CSMD1: variants seen among roughly 807,000 people sequenced by gnomAD.
CSMD1 encodes CUB and Sushi multiple domains 1.
A neutral mutation model predicts 417.5 loss-of-function variants in CSMD1; 213 were observed. That is an observed-to-expected ratio of 0.51 (90% CI 0.46 to 0.57). The LOEUF is 0.57. CSMD1 is among the 20% of genes least tolerant of loss of function. CSMD1 has a pLI of 0.00. For missense variants in CSMD1, 6,923 were observed against 4,529.7 expected (o/e 1.53, Z -15.17); for synonymous variants, 2,862 against 1,736.8 (o/e 1.65, Z -16.11).
chr8:3,273,632 G>A (rs1284178378), intron 26 of CSMD1, among the ~76,000 whole-genome samples: 1 of 152,194 alleles, frequency 6.6e-6, no homozygotes, highest in East Asian at 1.9e-4. Context: ...TCTATTCAGA[G>A]ATTCAACTTC....
chr8:3,802,969 T>C (rs893704483), intron 5 of CSMD1, among the ~76,000 whole-genome samples: 2 of 152,166 alleles, frequency 1.3e-5, no homozygotes, highest in Non-Finnish European at 2.9e-5. Flanking sequence ...AAAATGTTCA[T>C]GATCATGTTG....
chr8:3,543,606 T>C lies in CSMD1; in HGVS notation c.1344+31339A>G, dbSNP rs1798534647. Reference sequence around the variant, plus strand: ...GTATGAGAACAAAAGAAGGATTAAATATAAGTATAATAATTTTCAGCCTAA... The same window carrying C: ...GTATGAGAACAAAAGAAGGATTAAACATAAGTATAATAATTTTCAGCCTAA... On this transcript the variant is annotated intron_variant, in intron 10 of 69. Coordinates refer to ENST00000635120, the MANE Select transcript of CSMD1 (RefSeq NM_033225.6). Among the ~76,000 whole-genome samples the C allele has an allele frequency of 2.0e-5, 3 of 150,534 alleles. No homozygotes were observed. The South Asian group carries it at 6.4e-4, about 32-fold the overall frequency.
At chr8:3,146,692 C>T (rs1818865717) in intron 40 of CSMD1, among the ~76,000 whole-genome samples, 1 of 152,204 alleles carries the variant, frequency 6.6e-6, no homozygotes, top group South Asian at 2.1e-4. Context: ...CGCAGTAGGT[C>T]ACTGTCGGTT....
chr8:4,356,853 C>T (rs1046261514), intron 3 of CSMD1, among the ~76,000 whole-genome samples: 7 of 152,126 alleles, frequency 4.6e-5, no homozygotes, highest in African/African-American at 1.7e-4. Context: ...CTATCTCTGC[C>T]CTTTCCTCTA....
At chr8:3,782,880 G>A (rs758475196) in intron 5 of CSMD1, among the ~76,000 whole-genome samples, 3 of 152,114 alleles carry the variant, frequency 2.0e-5, no homozygotes, top group South Asian at 2.1e-4. Context: ...ACTATACCGT[G>A]AGCCATTACC....
At chr8:3,960,862 C>T (rs922893771) in intron 5 of CSMD1, among the ~76,000 whole-genome samples, 1 of 151,912 alleles carries the variant, frequency 6.6e-6, no homozygotes, top group South Asian at 2.1e-4. Flanking sequence ...AAATGACACA[C>T]TTTTATACCT....
intron 26 of CSMD1, among the ~76,000 whole-genome samples, chr8:3,236,992 A>G (rs113864755): frequency 1.1e-4 from 17 of 152,154 alleles, no homozygotes; most frequent in African/African-American, 2.9e-4. Context: ...GTCAGGCTGC[A>G]TCCAGAGCCA....
At chr8:4,843,381 T>C (rs1800950082) in intron 1 of CSMD1, among the ~76,000 whole-genome samples, 1 of 152,162 alleles carries the variant, frequency 6.6e-6, no homozygotes, top group African/African-American at 2.4e-5. Context: ...GATTACGACC[T>C]TAAGAACCCT....
At chr8:3,578,714 A>T (rs1374217502) in intron 9 of CSMD1, among the ~76,000 whole-genome samples, 1 of 152,126 alleles carries the variant, frequency 6.6e-6, no homozygotes, top group Non-Finnish European at 1.5e-5. Context: ...CACACAGGAG[A>T]CAGCCGAGGG....
At chr8:3,355,693 C>A (rs1043854828) in intron 21 of CSMD1, among the ~76,000 whole-genome samples, 21 of 152,166 alleles carry the variant, frequency 1.4e-4, no homozygotes, top group Non-Finnish European at 2.4e-4. Flanking sequence ...GATGCTGAGA[C>A]CTCAGGTTCT....
At chr8:4,231,682 T>G (rs938828623) in intron 3 of CSMD1, among the ~76,000 whole-genome samples, 5 of 152,208 alleles carry the variant, frequency 3.3e-5, no homozygotes, top group African/African-American at 1.2e-4. Context: ...AGCTGTGGGC[T>G]TATGACTACA....
At chr8:4,390,633 C>A (rs1389191808) in intron 3 of CSMD1, among the ~76,000 whole-genome samples, 2 of 152,000 alleles carry the variant, frequency 1.3e-5, no homozygotes, top group African/African-American at 4.8e-5. Context: ...CCTGCCTCAG[C>A]CTCCCAAGGA....
At chr8:4,340,393 T>G (rs11785309) in intron 3 of CSMD1, among the ~76,000 whole-genome samples, 1 of 152,000 alleles carries the variant, frequency 6.6e-6, no homozygotes, top group Non-Finnish European at 1.5e-5. Flanking sequence ...ACTCTTGACA[T>G]GAGTTTGCTT....
chr8:3,715,516 A>T (rs1563303206), intron 6 of CSMD1, among the ~76,000 whole-genome samples: 1 of 152,132 alleles, frequency 6.6e-6, no homozygotes, highest in African/African-American at 2.4e-5. Context: ...ATCTTTACAA[A>T]CTAAGACAAA....
intron 5 of CSMD1, among the ~76,000 whole-genome samples, chr8:3,875,791 G>C (rs1326408025): frequency 1.3e-5 from 2 of 152,156 alleles, no homozygotes; most frequent in South Asian, 2.1e-4. Flanking sequence ...TTGTGGTAAA[G>C]GGAAGGTACA....
intron 3 of CSMD1, among the ~76,000 whole-genome samples, chr8:4,410,643 A>C (rs903231234): frequency 6.6e-6 from 1 of 152,234 alleles, no homozygotes; most frequent in African/African-American, 2.4e-5. Flanking sequence ...ATATGCATGT[A>C]AACATGGAGA....
intron 3 of CSMD1, among the ~76,000 whole-genome samples, chr8:4,416,794 T>C (rs1434992390): frequency 6.6e-6 from 1 of 152,096 alleles, no homozygotes; most frequent in Non-Finnish European, 1.5e-5. Flanking sequence ...TCTTAAAACA[T>C]AGGTCAGCTT....
chr8:3,996,455 A>C (rs911631429), intron 5 of CSMD1, among the ~76,000 whole-genome samples: 1 of 132,666 alleles, frequency 7.5e-6, no homozygotes. Context: ...TTTTTTTTTT[A>C]GCACAGCCTC....
chr8:4,779,107 C>T (rs1211534132), intron 1 of CSMD1, among the ~76,000 whole-genome samples: 1 of 152,148 alleles, frequency 6.6e-6, no homozygotes, highest in African/African-American at 2.4e-5. Flanking sequence ...TTTAAAACTG[C>T]TTTTATTGTT....
Sources: allele counts gnomAD v4.1 joint callset (sites outside exome capture counted in the v4.1 genomes callset), GRCh38; gene constraint gnomAD v4.1.1; transcripts MANE v1.5; gene names NCBI Gene and HGNC (gene_info 2026-07-23, HGNC 2026-07-21).